PTPRD: variants seen among roughly 807,000 people sequenced by gnomAD.
PTPRD encodes the protein receptor-type tyrosine-protein phosphatase delta.
In PTPRD, 34 loss-of-function variants were observed where a neutral mutation model predicts 214.5. That is an observed-to-expected ratio of 0.16 (90% CI 0.12 to 0.21). The LOEUF is 0.21. Ranked by LOEUF, PTPRD falls within the 10% of genes least tolerant of loss-of-function variation. The pLI, the probability that PTPRD is intolerant of heterozygous loss-of-function variation, is 1.00. For synonymous variants in PTPRD, 1,128 were observed against 845.7 expected (o/e 1.33, Z -5.79); for missense variants, 2,545 against 2,398.7 (o/e 1.06, Z -1.27).
chr9:8,951,178 A>G (rs867656280), intron 11 of PTPRD, among the ~76,000 whole-genome samples: 22 of 150,864 alleles, frequency 1.5e-4, no homozygotes, highest in Middle Eastern at 6.8e-3. Flanking sequence ...AGAGAGAGGA[A>G]GAGGAGAAAC....
At chr9:9,973,204 T>A (rs1177943686) in intron 4 of PTPRD, among the ~76,000 whole-genome samples, 1 of 151,610 alleles carries the variant, frequency 6.6e-6, no homozygotes, top group African/African-American at 2.4e-5. Context: ...GGCTCATGCC[T>A]GTAATCCCAG....
intron 11 of PTPRD, among the ~76,000 whole-genome samples, chr9:8,985,380 T>G (rs948561179): frequency 7.2e-5 from 11 of 152,068 alleles, no homozygotes; most frequent in Non-Finnish European, 1.3e-4. Context: ...ATACTTAACC[T>G]TTAATAAATT....
chr9:8,627,564 C>A lies in PTPRD; in HGVS notation c.352+5753G>T, dbSNP rs1298136256. Among the ~76,000 whole-genome samples, 4 of 151,952 alleles carry A rather than the reference C, an allele frequency of 2.6e-5. No homozygotes were observed. In the East Asian group the frequency reaches 7.8e-4, roughly 30 times the overall value. ...GAAGAAAATTGTTCTCACTTCAATG[C>A]AATGATTTACAAGTGTGCTCATTTT... is the stretch of plus-strand genomic sequence containing the variant. On this transcript the variant is annotated intron_variant, in intron 14 of 45. Coordinates refer to ENST00000381196, the MANE Select transcript of PTPRD (RefSeq NM_002839.4).
chr9:10,510,033 G>C (rs2047464975), intron 2 of PTPRD, among the ~76,000 whole-genome samples: 2 of 151,908 alleles, frequency 1.3e-5, no homozygotes, highest in African/African-American at 2.4e-5. Flanking sequence ...TTAATACTTT[G>C]CTCAGCTCTA....
intron 14 of PTPRD, among the ~76,000 whole-genome samples, chr9:8,592,883 T>C (rs2094216332): frequency 6.6e-6 from 1 of 152,334 alleles, no homozygotes; most frequent in African/African-American, 2.4e-5. Flanking sequence ...AGCACCTAAG[T>C]TGAATCGTGA....
At chr9:8,450,367 C>T (rs140161840) in intron 33 of PTPRD, among the ~76,000 whole-genome samples, 3 of 152,066 alleles carry the variant, frequency 2.0e-5, no homozygotes, top group Non-Finnish European at 2.9e-5. Flanking sequence ...TTTTAAGATG[C>T]CAAGTTATCC....
chr9:8,918,656 G>A (rs1363497018), intron 11 of PTPRD, among the ~76,000 whole-genome samples: 2 of 152,162 alleles, frequency 1.3e-5, no homozygotes, highest in South Asian at 4.2e-4. Flanking sequence ...TCCTTCTCTG[G>A]ATGCATAAAA....
chr9:10,069,397 TG>T (rs1478023239), intron 3 of PTPRD, among the ~76,000 whole-genome samples: 1 of 152,062 alleles, frequency 6.6e-6, no homozygotes, highest in Non-Finnish European at 1.5e-5. Flanking sequence ...CTTGCTGGTT[TG>T]TAGTGCTATA....
chr9:9,447,796 C>G (rs1007994264), intron 8 of PTPRD, among the ~76,000 whole-genome samples: 26 of 152,186 alleles, frequency 1.7e-4, no homozygotes, highest in Non-Finnish European at 2.6e-4. Context: ...TGGAAGAACG[C>G]TGTTCTAGGG....
intron 5 of PTPRD, among the ~76,000 whole-genome samples, chr9:9,812,308 A>G (rs1395694999): frequency 6.6e-6 from 1 of 152,180 alleles, no homozygotes; most frequent in African/African-American, 2.4e-5. Flanking sequence ...TATGCCTGTA[A>G]TAAGTCCTTG....
At chr9:10,123,677 T>C (rs542993083) in intron 3 of PTPRD, among the ~76,000 whole-genome samples, 5 of 152,264 alleles carry the variant, frequency 3.3e-5, no homozygotes, top group Admixed American at 3.3e-4. Flanking sequence ...CACCGTTATT[T>C]TGGAAAACAG....
chr9:10,465,664 A>G (rs1395230914), intron 2 of PTPRD, among the ~76,000 whole-genome samples: 3 of 152,202 alleles, frequency 2.0e-5, no homozygotes, highest in Middle Eastern at 3.2e-3. Context: ...ACACTGTGCT[A>G]CAATTCCCTA....
At chr9:8,849,505 C>A (rs980526994) in intron 11 of PTPRD, among the ~76,000 whole-genome samples, 23 of 152,148 alleles carry the variant, frequency 1.5e-4, no homozygotes, top group African/African-American at 5.6e-4. Flanking sequence ...GGATTACAGG[C>A]GTGAGCCACC....
In PTPRD at chr9:9,418,454, C is replaced by T. The variant is rs28591372; in HGVS notation, c.-236-20972G>A. Among the ~76,000 whole-genome samples, 304 of 152,050 alleles carry T rather than the reference C, an allele frequency of 2.0e-3. 1 individual carries two copies. The highest frequency in any genetic ancestry group is 6.6e-3 in the African/African-American group (275 of 41,524). ...TAAGAGCTCTTATTTGAAGATTAAT[C>T]TTCAGTGAGAGACATTCATTAACAT... is the stretch of plus-strand genomic sequence containing the variant. On this transcript the variant is annotated intron_variant, in intron 8 of 45. Coordinates refer to ENST00000381196, the MANE Select transcript of PTPRD (RefSeq NM_002839.4).
chr9:9,500,732 T>C (rs561610163), intron 8 of PTPRD, among the ~76,000 whole-genome samples: 51 of 152,218 alleles, frequency 3.4e-4, no homozygotes, highest in African/African-American at 1.2e-3. Context: ...CAGGTAGATA[T>C]AGAAGACTTT....
rs1291315165 is a variant in PTPRD at position 8,848,170 on chromosome 9, G to GA, written c.-103-114225dup. Reference sequence around the variant, plus strand: ...ATTTTAGAGCTGGAGGCCATCTGCAGAAAAAAAAGGTCATCGAATCAAAAC... The same window carrying GA: ...ATTTTAGAGCTGGAGGCCATCTGCAGAAAAAAAAAGGTCATCGAATCAAAAC... On this transcript the variant is annotated intron_variant, in intron 11 of 45. Coordinates refer to ENST00000381196, the MANE Select transcript of PTPRD (RefSeq NM_002839.4). Among the ~76,000 whole-genome samples the GA allele has an allele frequency of 6.0e-5, 9 of 151,090 alleles. No homozygotes were observed. The South Asian group carries it at 1.3e-3, about 21-fold the overall frequency.
In PTPRD at chr9:9,544,505, A is replaced by C. The variant is rs190173153; in HGVS notation, c.-237+30227T>G. On this transcript the variant is annotated intron_variant, in intron 8 of 45. Coordinates refer to ENST00000381196, the MANE Select transcript of PTPRD (RefSeq NM_002839.4). ...AATAATCTCACTTGAGGGCCTATAT[A>C]CTTAATGCAATGATGCTAAAAGCAG... Among the ~76,000 whole-genome samples the C allele has an allele frequency of 4.2e-4, 63 of 151,754 alleles. No individual in the cohort carries two copies. In the East Asian group the frequency reaches 0.012, roughly 29 times the overall value.
intron 2 of PTPRD, among the ~76,000 whole-genome samples, chr9:10,369,282 T>C (rs1355504883): frequency 6.6e-6 from 1 of 152,120 alleles, no homozygotes; most frequent in East Asian, 1.9e-4. Context: ...TTATCCTTTA[T>C]TTTCTATTCA....
chr9:10,312,929 T>C (rs1195064214), intron 3 of PTPRD, among the ~76,000 whole-genome samples: 1 of 152,010 alleles, frequency 6.6e-6, no homozygotes, highest in African/African-American at 2.4e-5. Flanking sequence ...TTGGTAACTA[T>C]AATTACATAC....
Sources: allele counts gnomAD v4.1 joint callset (sites outside exome capture counted in the v4.1 genomes callset), GRCh38; gene constraint gnomAD v4.1.1; transcripts MANE v1.5; gene names NCBI Gene and HGNC (gene_info 2026-07-23, HGNC 2026-07-21).